The following TRMT11 variants were observed in gnomAD, a reference collection of about 807,000 sequenced individuals.
The protein encoded by TRMT11 is tRNA (guanine(10)-N(2))-methyltransferase TRMT11.
A neutral mutation model predicts 62.8 loss-of-function variants in TRMT11; 53 were observed. The observed-to-expected ratio is 0.84, with a 90% CI of 0.68 to 1.06. TRMT11 has a LOEUF of 1.06. TRMT11 is among the 50% of genes least tolerant of loss of function. TRMT11 has a pLI of 0.00. For missense variants in TRMT11, 556 were observed against 553.4 expected (o/e 1.00, Z -0.05); for synonymous variants, 188 against 190.3 (o/e 0.99, Z 0.10).
At chr6:126,087,214 C>T (rs753670114) in intron 17 of TRMT11, among the ~76,000 whole-genome samples, 7 of 152,114 alleles carry the variant, frequency 4.6e-5, no homozygotes, top group Non-Finnish European at 1.0e-4. Context: ...ACACAAATGA[C>T]ATTAAATGTT....
At chr6:126,041,497 T>C (rs572161274), downstream of TRMT11, among the ~76,000 whole-genome samples, 2 of 152,278 alleles carry the variant, frequency 1.3e-5, no homozygotes, top group Non-Finnish European at 2.9e-5. Context: ...TGACATCTTA[T>C]GCTGGAAATA....
intron 21 of TRMT11, among the ~76,000 whole-genome samples, chr6:126,127,496 T>A (rs910610536): frequency 3.6e-4 from 55 of 152,196 alleles, no homozygotes; most frequent in African/African-American, 1.0e-3. Flanking sequence ...CTTTTTTTTT[T>A]AATTATACTT....
chr6:126,172,539 C>G (rs1479236035), upstream of TRMT11, among the ~76,000 whole-genome samples: 1 of 152,208 alleles, frequency 6.6e-6, no homozygotes, highest in Non-Finnish European at 1.5e-5. Flanking sequence ...TATTTCCTCA[C>G]AGATTTATTC....
intron 12 of TRMT11, among the ~76,000 whole-genome samples, chr6:126,022,818 CAT>C (rs1309911416): frequency 2.0e-5 from 3 of 152,110 alleles, no homozygotes; most frequent in Admixed American, 1.3e-4. Context: ...TACATATAAA[CAT>C]ATGGATGTAT....
rs145963759 is a variant in TRMT11 at position 126,093,631 on chromosome 6, A to ATTTTTTTTTTTTT, written c.*1438-19231_*1438-19230insTTTTTTTTTTTTT. Among the ~76,000 whole-genome samples the ATTTTTTTTTTTTT allele has an allele frequency of 5.6e-4, 55 of 98,008 alleles. 2 individuals carry two copies. Among genetic ancestry groups the ATTTTTTTTTTTTT allele is most frequent in the African/African-American group, 2.2e-3 (51 of 22,920 alleles). 64.3% of individuals were successfully genotyped at this position (98,008 alleles called of 152,430 possible). On this transcript the variant is annotated intron_variant and NMD_transcript_variant, in intron 17 of 22. Transcript: ENST00000648977. Reference sequence around the variant, plus strand: ...TATATATATATATATATATATATATATTTTCCCCCAGTCCTGGAGGATCAA... The same window carrying ATTTTTTTTTTTTT: ...TATATATATATATATATATATATATATTTTTTTTTTTTTTTTTCCCCCAGTCCTGGAGGATCAA...
intron 7 of TRMT11, among the ~76,000 whole-genome samples, chr6:126,005,187 A>G (rs1418173191): frequency 1.3e-5 from 2 of 152,094 alleles, no homozygotes; most frequent in Non-Finnish European, 2.9e-5. Flanking sequence ...TAACACTCTT[A>G]TTAACAGAGT....
At chr6:126,080,425 T>G (rs1231667284) in intron 17 of TRMT11, among the ~76,000 whole-genome samples, 1 of 152,054 alleles carries the variant, frequency 6.6e-6, no homozygotes, top group African/African-American at 2.4e-5. Flanking sequence ...AAATCTGACT[T>G]AAGTTTCCAT....
chr6:126,228,372 A>C, the TRMT11 span, among the ~76,000 whole-genome samples: 1 of 152,170 alleles, frequency 6.6e-6, no homozygotes, highest in African/African-American at 2.4e-5. Context: ...AGACCGTGTT[A>C]ATAAAAGTTC....
chr6:126,270,214 T>C, the TRMT11 span, among the ~76,000 whole-genome samples: 7 of 152,218 alleles, frequency 4.6e-5, no homozygotes, highest in Admixed American at 1.3e-4. Context: ...TTTCTTTTTT[T>C]CTAGTTACAT....
chr6:126,100,253 T>G (rs1405764239), intron 17 of TRMT11, among the ~76,000 whole-genome samples: 1 of 152,094 alleles, frequency 6.6e-6, no homozygotes, highest in Non-Finnish European at 1.5e-5. Flanking sequence ...ATCCTGAGGG[T>G]GGTGAGAATT....
chr6:126,208,959 A>G, the TRMT11 span, among the ~76,000 whole-genome samples: 264 of 152,368 alleles, frequency 1.7e-3, 1 homozygote, highest in Middle Eastern at 0.01. Flanking sequence ...TATGCTTGTA[A>G]TAAAATAGAA....
the TRMT11 span, among the ~76,000 whole-genome samples, chr6:126,257,755 G>A: frequency 1.6e-4 from 24 of 152,110 alleles, no homozygotes; most frequent in African/African-American, 4.8e-4. Flanking sequence ...AAGTCTCATC[G>A]GTTTAATAAC....
At chr6:125,994,256 A>G (rs780547311) in intron 2 of TRMT11, among the ~76,000 whole-genome samples, 1 of 152,160 alleles carries the variant, frequency 6.6e-6, no homozygotes, top group East Asian at 1.9e-4. Context: ...AAATAGAAAA[A>G]ATAATTTGCA....
chr6:126,258,560 C>A, the TRMT11 span, among the ~76,000 whole-genome samples: 1 of 152,244 alleles, frequency 6.6e-6, no homozygotes, highest in African/African-American at 2.4e-5. Context: ...AATTTTCTCA[C>A]TCTTTGGTCT....
chr6:126,109,625 TG>T (rs1777507848), intron 17 of TRMT11, among the ~76,000 whole-genome samples: 1 of 152,164 alleles, frequency 6.6e-6, no homozygotes, highest in African/African-American at 2.4e-5. Context: ...TCCTCAGAAT[TG>T]GGTTCAAATC....
chr6:126,105,158 A>T (rs921944926), intron 17 of TRMT11, among the ~76,000 whole-genome samples: 1 of 152,202 alleles, frequency 6.6e-6, no homozygotes, highest in Non-Finnish European at 1.5e-5. Flanking sequence ...TCAGAACATT[A>T]TAAATTTTAT....
intron 21 of TRMT11, among the ~76,000 whole-genome samples, chr6:126,152,936 A>G (rs1346725387): frequency 6.6e-6 from 1 of 152,110 alleles, no homozygotes; most frequent in Non-Finnish European, 1.5e-5. Flanking sequence ...GTTTTCAGAG[A>G]CCCGGAGTCT....
chr6:126,139,634 G>T (rs751035198), intron 21 of TRMT11, among the ~76,000 whole-genome samples: 2 of 152,104 alleles, frequency 1.3e-5, no homozygotes, highest in Non-Finnish European at 2.9e-5. Flanking sequence ...CTCCCAAAGT[G>T]CTGGGATTAC....
At chr6:126,022,666 A>G (rs1198746161) in intron 12 of TRMT11, among the ~76,000 whole-genome samples, 1 of 152,174 alleles carries the variant, frequency 6.6e-6, no homozygotes, top group Non-Finnish European at 1.5e-5. Flanking sequence ...TATTACTGAA[A>G]AATGTTCAGA....
Sources: gnomAD v4.1 joint callset for allele counts (sites outside exome capture counted in the v4.1 genomes callset) on GRCh38, gnomAD v4.1.1 for gene constraint, MANE v1.5 for transcripts, NCBI Gene and HGNC (gene_info 2026-07-23, HGNC 2026-07-21) for gene names.